AACS: variants seen among roughly 807,000 people sequenced by gnomAD.
The protein encoded by AACS is acetoacetate-CoA ligase.
Under a neutral mutation model 83.1 loss-of-function variants are expected in AACS, and 69 were observed. The ratio of observed to expected loss-of-function variants is 0.83; its 90% CI spans 0.68 to 1.01. AACS has a LOEUF of 1.01. Ranked by LOEUF, AACS falls within the 50% of genes least tolerant of loss-of-function variation. The pLI, the probability that AACS is intolerant of heterozygous loss-of-function variation, is 0.00. For missense variants in AACS, 866 were observed against 882.2 expected (o/e 0.98, Z 0.23); for synonymous variants, 333 against 343.4 (o/e 0.97, Z 0.33).
At chr12:125,083,413 G>A (rs562845771) in intron 3 of AACS, among the ~76,000 whole-genome samples, 6 of 148,882 alleles carry the variant, frequency 4.0e-5, no homozygotes, top group African/African-American at 1.2e-4. Flanking sequence ...GAATACCAGC[G>A]GGCAGGAGTC....
intron 8 of AACS, among the ~76,000 whole-genome samples, chr12:125,108,571 G>A (rs907553751): frequency 6.6e-5 from 10 of 152,140 alleles, no homozygotes; most frequent in South Asian, 4.1e-4. Flanking sequence ...TTATTTCACC[G>A]AAAGTCTAAC....
chr12:125,116,731 C>T (rs1262146195), intron 9 of AACS, among the ~76,000 whole-genome samples: 1 of 152,100 alleles, frequency 6.6e-6, no homozygotes, highest in Admixed American at 6.5e-5. Flanking sequence ...TCCCAAAGTG[C>T]TGGGATTACA....
Position 125,129,211 on chromosome 12 carries a change from T to C in AACS, c.1424-124T>C. The C allele has an allele frequency of 7.3e-7, 1 of 1,376,616 alleles. No individual in the cohort carries two copies. The highest frequency in any genetic ancestry group is 9.7e-7 in the Non-Finnish European group (1 of 1,034,138). 85.3% of individuals were successfully genotyped at this position (1,376,616 alleles called of 1,614,324 possible). A position where few individuals can be genotyped will look rare whatever the true frequency, so the allele number is the denominator to read the frequency against. Reference sequence around the variant, plus strand: ...GTGACAGGTGTGTGGGCGTGGACCATCTCTGTACCTTTGTATATGTCTGGA... The same window carrying C: ...GTGACAGGTGTGTGGGCGTGGACCACCTCTGTACCTTTGTATATGTCTGGA... On this transcript the variant is annotated intron_variant, in intron 13 of 17. Transcript: ENST00000316519. The surrounding 1 kb of genome is among the most constrained non-coding windows in gnomAD (Gnocchi z 4.3).
intron 4 of AACS, among the ~76,000 whole-genome samples, chr12:125,088,347 C>G (rs1956388503): frequency 6.6e-6 from 1 of 151,926 alleles, no homozygotes; most frequent in Non-Finnish European, 1.5e-5. Flanking sequence ...ATCCTCCTAC[C>G]TCAGCCTCCT....
In AACS at chr12:125,124,772, G is replaced by A. The variant is rs747605076; in HGVS notation, c.1186+3G>A. 2.5e-6 allele frequency: 4 copies of A among 1,614,202 alleles called. No individual in the cohort carries two copies. Among genetic ancestry groups the A allele is most frequent in the South Asian group, 1.1e-5 (1 of 91,080 alleles). On this transcript the variant is annotated splice_donor_region_variant and intron_variant, in intron 11 of 17. Coordinates refer to ENST00000316519, the MANE Select transcript of AACS (RefSeq NM_023928.5). ...GGAAGAGAAGGCCATGAAGCCGGGT[G>A]AGTGTGCCTCTTCAGTACTCATTCC...
chr12:125,140,953 G>A lies in AACS; in HGVS notation c.1882-1139G>A, dbSNP rs1957478194. 1 of 152,156 alleles carries A rather than the reference G, an allele frequency of 6.6e-6. No homozygotes were observed. The highest frequency in any genetic ancestry group is 1.5e-5 in the Non-Finnish European group (1 of 68,040). 9.4% of individuals were successfully genotyped at this position (152,156 alleles called of 1,614,324 possible). ...ATAACGTGATAAAATATATAGAGAAGTAAAAAAGTATAAATAAAAGTAAAA... is the reference window on the plus strand; with the variant it reads ...ATAACGTGATAAAATATATAGAGAAATAAAAAAGTATAAATAAAAGTAAAA... On this transcript the variant is annotated intron_variant, in intron 17 of 17. Transcript: ENST00000316519. The surrounding 1 kb of genome is among the most constrained non-coding windows in gnomAD (Gnocchi z 5.1).
At position 125,102,784 on chromosome 12, in the gene AACS, G is replaced by C; in HGVS notation, c.676G>C (p.Val226Leu). Residue 226 changes from valine to leucine, a missense_variant, in exon 6 of 18, where the codon GTG becomes CTG. Val to Leu is a conservative substitution (Grantham distance 32, BLOSUM62 1). Coordinates refer to ENST00000316519, the MANE Select transcript of AACS (RefSeq NM_023928.5). ...CAACCACATGGAAAAGCTGCAGCAG[G>C]TGGTTAAAGGTGTGTGGCCCTTCCG... ...EHNHMEKLQQ[V>L]VKGLPDLKKV... The C allele has an allele frequency of 4.3e-6, 7 of 1,614,184 alleles. No individual in the cohort carries two copies. Among genetic ancestry groups the C allele is most frequent in the Non-Finnish European group, 5.9e-6 (7 of 1,180,002 alleles).
intron 17 of AACS, chr12:125,141,734 A>G: frequency 5.0e-6 from 1 of 199,542 alleles, no homozygotes; most frequent in Non-Finnish European, 1.0e-5. Flanking sequence ...AAAAAGAAAA[A>G]TGAACATGCT....
intron 5 of AACS, 126 bp from the exon 6 acceptor site, chr12:125,102,553 C>T (rs913155199): frequency 6.3e-6 from 5 of 787,472 alleles, no homozygotes; most frequent in African/African-American, 1.7e-5. Context: ...CAACCTTGAA[C>T]TCCTGGGCTC....
At chr12:125,136,244 C>G (rs529057492) in intron 16 of AACS, 1 of 173,800 alleles carries the variant, frequency 5.8e-6, no homozygotes, top group South Asian at 1.4e-4. Flanking sequence ...GAGACAAAGT[C>G]TCCCTATGTT....
intron 8 of AACS, among the ~76,000 whole-genome samples, chr12:125,110,235 G>A (rs1197644068): frequency 8.4e-6 from 1 of 119,560 alleles, no homozygotes; most frequent in Non-Finnish European, 1.8e-5. Context: ...GTGTGTGTGT[G>A]TGTGTGTGTG....
chr12:125,088,575 T>G (rs535641579), intron 4 of AACS, among the ~76,000 whole-genome samples: 283 of 152,318 alleles, frequency 1.9e-3, no homozygotes, highest in African/African-American at 6.6e-3. Flanking sequence ...CTTTTTGGGT[T>G]CTTGGTCGTC....
chr12:125,078,060 A>G (rs1956074500), intron 3 of AACS: 1 of 444,832 alleles, frequency 2.2e-6, no homozygotes, highest in African/African-American at 2.0e-5. Context: ...TCACTGTGGT[A>G]TAAAATACTC....
In AACS at chr12:125,103,029, A is replaced by G. The variant is rs1565939438; in HGVS notation, c.715A>G (p.Ile239Val). ...GLPDLKKVVVIPYVSSRENID... is the reference protein window; with the variant it reads ...GLPDLKKVVVVPYVSSRENID... ...ACCAGACTTGAAGAAAGTGGTGGTG[A>G]TTCCTTATGTGTCCTCCAGAGAGAA... Residue 239 changes from isoleucine (I) to valine (V), a missense_variant, in exon 7 of 18, where the codon ATT (isoleucine) becomes GTT (valine). Ile to Val is a conservative substitution (Grantham distance 29). Coordinates refer to ENST00000316519, the MANE Select transcript of AACS (RefSeq NM_023928.5). The G allele has an allele frequency of 6.2e-7, 1 of 1,614,024 alleles. No individual in the cohort carries two copies. The highest frequency in any genetic ancestry group is 1.1e-5 in the South Asian group (1 of 91,066).
Position 125,091,437 on chromosome 12 carries a change from A to G in AACS, c.484A>G (p.Asn162Asp). The change falls in exon 5 of 18, where the codon AAC becomes GAC. Residue 162 changes from asparagine (N) to aspartate (D), a missense_variant. Transcript: ENST00000316519. ...KGDRVVGYLP[N>D]SEHAVEAMLA... is the part of the protein sequence containing the mutation. Reference sequence around the variant, plus strand: ...TGTTTTCTCCACAGGTTATTTACCCAACAGTGAGCACGCTGTCGAGGCGAT... The same window carrying G: ...TGTTTTCTCCACAGGTTATTTACCCGACAGTGAGCACGCTGTCGAGGCGAT... 3 of 1,614,240 alleles carry G rather than the reference A, an allele frequency of 1.9e-6. No homozygotes were observed. The highest frequency in any genetic ancestry group is 2.5e-6 in the Non-Finnish European group (3 of 1,180,034).
Position 125,142,164 on chromosome 12 carries a change from G to C in AACS, c.1954G>C (p.Gly652Arg). Residue 652 changes from glycine (G) to arginine (R), a missense_variant, in exon 18 of 18, where the codon GGT becomes CGT. Coordinates refer to ENST00000316519, the MANE Select transcript of AACS (RefSeq NM_023928.5). ...CGCTGGAAAAGCCGTGGAGCAAGGA[G>C]GTGCTTTCTCGAACCCCGAGACCCT... ...IIAGKAVEQGGAFSNPETLDL... is the reference protein window; with the variant it reads ...IIAGKAVEQGRAFSNPETLDL... 1 of 1,614,220 alleles carries C rather than the reference G, an allele frequency of 6.2e-7. No individual in the cohort carries two copies. Among genetic ancestry groups the C allele is most frequent in the East Asian group, 2.2e-5 (1 of 44,890 alleles).
intron 7 of AACS, among the ~76,000 whole-genome samples, chr12:125,104,019 A>G (rs1190899459): frequency 1.4e-5 from 2 of 144,114 alleles, no homozygotes; most frequent in South Asian, 2.1e-4. Context: ...AAAAAAAAAA[A>G]GAATCTTCAT....
Position 125,091,528 on chromosome 12 carries a change from G to A in AACS, c.570+5G>A. On this transcript the variant is annotated splice_donor_5th_base_variant and intron_variant, in intron 5 of 17. Coordinates refer to ENST00000316519, the MANE Select transcript of AACS (RefSeq NM_023928.5). The stretch of plus-strand genomic sequence containing the variant: ...TCCCCGGACTTCGGTGTGAATGTGA[G>A]TCAGGGTCTGTGACAGAGGGGGCAC... 7 of 1,614,202 alleles carry A rather than the reference G, an allele frequency of 4.3e-6. No homozygotes were observed. Among genetic ancestry groups the A allele is most frequent in the Non-Finnish European group, 5.9e-6 (7 of 1,180,002 alleles).
At chr12:125,107,964 A>C (rs997234149) in intron 8 of AACS, among the ~76,000 whole-genome samples, 1 of 152,178 alleles carries the variant, frequency 6.6e-6, no homozygotes, top group African/African-American at 2.4e-5. Flanking sequence ...CTGTCTCAAA[A>C]AATAAAAATA....
Sources: allele counts gnomAD v4.1 joint callset (sites outside exome capture counted in the v4.1 genomes callset), GRCh38; gene constraint gnomAD v4.1.1; non-coding constraint Gnocchi (gnomAD v3.1); transcripts MANE v1.5; gene names NCBI Gene and HGNC (gene_info 2026-07-23, HGNC 2026-07-21).